Variants in CEP89 observed in about 807,000 individuals in gnomAD.
CEP89 encodes the protein centrosomal protein 89.
CEP89 carries 95 observed loss-of-function variants against 97.6 expected under a neutral mutation model. That is an observed-to-expected ratio of 0.97 (90% CI 0.82 to 1.15). The LOEUF (loss-of-function observed/expected upper bound fraction) is 1.15, where lower values mean the gene tolerates loss of function less well. Among genes scored for constraint, CEP89 ranks in the 50% most tolerant of loss-of-function variants. CEP89 has a pLI of 0.00. For missense variants in CEP89, 869 were observed against 947.7 expected, an observed-to-expected ratio of 0.92 and a Z score of 1.09; for synonymous variants, 354 against 349.1, an observed-to-expected ratio of 1.01 and a Z score of -0.16.
intron 4 of CEP89, among the ~76,000 whole-genome samples, chr19:32,952,679 G>A (rs555063134): frequency 7.2e-5 from 11 of 151,894 alleles, no homozygotes; most frequent in South Asian, 4.2e-4. Flanking sequence ...TGAGGCAGGC[G>A]GATCGCTTGA....
At chr19:32,898,584 G>A (rs1237660578) in intron 16 of CEP89, among the ~76,000 whole-genome samples, 2 of 152,106 alleles carry the variant, frequency 1.3e-5, no homozygotes, top group Non-Finnish European at 2.9e-5. Flanking sequence ...TCCACACCCA[G>A]AAATGATAAA....
Position 32,966,449 on chromosome 19 carries a change from GC to G in CEP89, c.56del (p.Gly19AlafsTer43), listed in dbSNP as rs1301132560. 6.4e-7 allele frequency: 1 copy of G among 1,550,822 alleles called. No individual in the cohort carries two copies. Among genetic ancestry groups the G allele is most frequent in the Non-Finnish European group, 8.7e-7 (1 of 1,145,018 alleles). ...RRSHFKHIIH[G>X]LLPAASVAPK... Reference sequence around the variant, plus strand: ...GAGCAACGCTGGCTGCAGGTAAAAGGCCATGGATGATGTGTTTCTGCACAAA... The same window carrying G: ...GAGCAACGCTGGCTGCAGGTAAAAGGCATGGATGATGTGTTTCTGCACAAA... On this transcript the variant is annotated frameshift_variant, in exon 2 of 19. Coordinates refer to ENST00000305768, the MANE Select transcript of CEP89 (RefSeq NM_032816.5). LOFTEE classifies it high-confidence loss of function.
In CEP89 at chr19:32,907,239, T is replaced by C. The variant is rs969456879; in HGVS notation, c.1566-5827A>G. On this transcript the variant is annotated intron_variant, in intron 14 of 18. Coordinates refer to ENST00000305768, the MANE Select transcript of CEP89 (RefSeq NM_032816.5). The stretch of plus-strand genomic sequence containing the variant: ...AGCCCCGCACGATGGCGCGTGACTA[T>C]AGTCCCAGCCACTGGGGAGACTGAG... 6.6e-5 allele frequency among the ~76,000 whole-genome samples: 10 copies of C among 152,134 alleles called. No individual in the cohort carries two copies. The East Asian group carries it at 1.9e-3, about 29-fold the overall frequency.
rs1321709096 is a variant in CEP89, at chr19:32,915,268, G to A, written c.1565+69C>T. On this transcript the variant is annotated intron_variant, in intron 14 of 18. Transcript: ENST00000305768. ...GAGCCCAGGAGTTTGGGACCAGCCT[G>A]AGCAACATAGCAAGACCCTGTCTCG... The A allele has an allele frequency of 5.8e-6, 8 of 1,381,454 alleles. No individual in the cohort carries two copies. The East Asian group carries it at 1.9e-4, about 33-fold the overall frequency. The allele number at this position is 1,381,454 out of a possible 1,614,324, so 85.6% of individuals were successfully genotyped here.
rs1971138333 is a variant in CEP89, at chr19:32,960,199, C to A, written c.147-141G>T. The A allele has an allele frequency of 2.1e-5, 16 of 756,442 alleles. No individual in the cohort carries two copies. The South Asian group carries it at 2.8e-4, about 13-fold the overall frequency. 46.9% of individuals were successfully genotyped at this position (756,442 alleles called of 1,614,324 possible). A position where few individuals can be genotyped will look rare whatever the true frequency, so the allele number is the denominator to read the frequency against. ...TTTACTCTGCACCCATCATCTACCG[C>A]AGGCCATCAGACAATCTCATTTGAT... On this transcript the variant is annotated intron_variant, in intron 2 of 18. Coordinates refer to ENST00000305768, the MANE Select transcript of CEP89 (RefSeq NM_032816.5).
At chr19:32,901,202 CT>C in intron 15 of CEP89, 42 bp downstream of exon 15, 1 of 1,587,150 alleles carries the variant, frequency 6.3e-7, no homozygotes, top group African/African-American at 1.4e-5. Context: ...TCTTTTTTAA[CT>C]ATTGAAAATA....
At chr19:32,937,892 G>T (rs1316419221) in intron 6 of CEP89, among the ~76,000 whole-genome samples, 1 of 151,872 alleles carries the variant, frequency 6.6e-6, no homozygotes, top group African/African-American at 2.4e-5. Context: ...CCCAGGCTAG[G>T]GTGCAGTGGT....
At chr19:32,950,656 G>A (rs1389402727) in intron 4 of CEP89, among the ~76,000 whole-genome samples, 3 of 152,260 alleles carry the variant, frequency 2.0e-5, no homozygotes, top group South Asian at 2.1e-4. Context: ...TATACCCTAT[G>A]ACCATACACA....
intron 14 of CEP89, among the ~76,000 whole-genome samples, chr19:32,902,978 G>A (rs1043171918): frequency 6.6e-6 from 1 of 152,174 alleles, no homozygotes; most frequent in Non-Finnish European, 1.5e-5. Context: ...TACTGTCTTA[G>A]CAGTGGGGCT....
intron 5 of CEP89, among the ~76,000 whole-genome samples, chr19:32,945,277 T>A (rs1224120482): frequency 1.4e-4 from 16 of 111,944 alleles, no homozygotes; most frequent in African/African-American, 5.5e-4. Context: ...AGAGTGAAAC[T>A]ATGTTTCAAA....
intron 8 of CEP89, among the ~76,000 whole-genome samples, chr19:32,931,796 A>C (rs1970480254): frequency 6.6e-6 from 1 of 152,188 alleles, no homozygotes; most frequent in Non-Finnish European, 1.5e-5. Context: ...AAGTTTGTGG[A>C]AGTTTTTGCA....
At position 32,949,185 on chromosome 19, in the gene CEP89, C is replaced by T. The variant is rs190157400; in HGVS notation, c.493-817G>A. Among the ~76,000 whole-genome samples, 55 of 152,318 alleles carry T rather than the reference C, an allele frequency of 3.6e-4. 1 individual carries two copies. The East Asian group carries it at 7.9e-3, about 22-fold the overall frequency. The stretch of plus-strand genomic sequence containing the variant: ...CTGAGAGTAGCTCCTATATAGGTAA[C>T]CATTCATGTTAGCTATATAGGAGCT... On this transcript the variant is annotated intron_variant, in intron 4 of 18. Transcript: ENST00000305768.
At chr19:32,929,371 G>A (rs1283505536) in intron 9 of CEP89, among the ~76,000 whole-genome samples, 1 of 152,130 alleles carries the variant, frequency 6.6e-6, no homozygotes, top group Admixed American at 6.6e-5. Flanking sequence ...GGAGGCTGAG[G>A]AGGGTGGATC....
intron 15 of CEP89, 55 bp from the exon 16 acceptor site, chr19:32,900,053 G>C: frequency 6.5e-7 from 1 of 1,532,786 alleles, no homozygotes; most frequent in Non-Finnish European, 9.0e-7. Flanking sequence ...ACATGGCTAG[G>C]GCATGGTGAA....
At chr19:32,915,219 G>C (rs1468300010) in intron 14 of CEP89, 118 bp downstream of exon 14, 5 of 917,614 alleles carry the variant, frequency 5.4e-6, no homozygotes, top group Non-Finnish European at 7.9e-6. Flanking sequence ...AAAACTTTGA[G>C]AGGCTGGGAT....
chr19:32,916,278 CA>C (rs1970125463), intron 13 of CEP89, among the ~76,000 whole-genome samples: 1 of 151,860 alleles, frequency 6.6e-6, no homozygotes. Flanking sequence ...ACCTTGTCTC[CA>C]AAAACAAAAA....
chr19:32,899,795 T>G (rs1288844924), intron 16 of CEP89, 62 bp downstream of exon 16: 3 of 1,493,866 alleles, frequency 2.0e-6, no homozygotes, highest in Non-Finnish European at 2.8e-6. Context: ...TTTAAAATAC[T>G]CTTAAAATCA....
In CEP89 at chr19:32,885,134, T is replaced by C. The variant is rs560247303; in HGVS notation, c.1965+2618A>G. ...CCTACGAAGAAATCAGCAAGTGCAA[T>C]CTACTTTCTACCTTCCTTCCCCCTT... On this transcript the variant is annotated intron_variant, in intron 17 of 18. Coordinates refer to ENST00000305768, the MANE Select transcript of CEP89 (RefSeq NM_032816.5). 6.6e-5 allele frequency among the ~76,000 whole-genome samples: 10 copies of C among 152,354 alleles called. No individual in the cohort carries two copies. The South Asian group carries it at 1.7e-3, about 25-fold the overall frequency.
intron 3 of CEP89, 92 bp from the exon 4 acceptor site, chr19:32,953,893 G>C: frequency 3.3e-6 from 3 of 902,788 alleles, no homozygotes; most frequent in Non-Finnish European, 5.0e-6. Context: ...TTTTGAGGTA[G>C]AGTCTTGCTC....
Sources: gnomAD v4.1 joint callset for allele counts (sites outside exome capture counted in the v4.1 genomes callset) on GRCh38, gnomAD v4.1.1 for gene constraint, MANE v1.5 for transcripts, NCBI Gene and HGNC (gene_info 2026-07-23, HGNC 2026-07-21) for gene names.